RIF1: variants seen among roughly 807,000 people sequenced by gnomAD.
RIF1 encodes the protein telomere-associated protein RIF1.
In RIF1, 45 loss-of-function variants were observed where a neutral mutation model predicts 247.1. The observed-to-expected ratio is 0.18, with a 90% confidence interval of 0.14 to 0.23. The LOEUF is 0.23. Ranked by LOEUF, RIF1 falls within the 10% of genes least tolerant of loss-of-function variation. The probability of loss-of-function intolerance (pLI) is 1.00; values close to 1 mark genes in which losing one functional copy is unlikely to be tolerated. For synonymous variants in RIF1, 1,087 were observed against 978.8 expected, an observed-to-expected ratio of 1.11 and a Z score of -2.06; for missense variants, 2,967 against 2,862.5, an observed-to-expected ratio of 1.04 and a Z score of -0.83.
rs776502122 is a variant in RIF1 at position 151,455,096 on chromosome 2, C to A, written c.2546C>A (p.Ser849Tyr). The change falls in exon 22 of 36, where the codon TCT (serine) becomes TAT (tyrosine). Residue 849 changes from serine to tyrosine, a missense_variant. Coordinates refer to ENST00000444746, the MANE Select transcript of RIF1 (RefSeq NM_018151.5). ...GTACTTGGGCATATTTCTTTGCCTTCTATGATCCGAAAAATATTTGCAACT... is the reference window on the plus strand; with the variant it reads ...GTACTTGGGCATATTTCTTTGCCTTATATGATCCGAAAAATATTTGCAACT... ...SSVLGHISLP[S>Y]MIRKIFATLT... 2 of 1,612,866 alleles carry A rather than the reference C, an allele frequency of 1.2e-6. No individual in the cohort carries two copies. The highest frequency in any genetic ancestry group is 1.7e-6 in the Non-Finnish European group (2 of 1,179,304).
At chr2:151,458,736 G>A (rs879782683) in intron 24 of RIF1, 75 bp from the exon 25 acceptor site, 108 of 644,074 alleles carry the variant, frequency 1.7e-4, no homozygotes, top group Non-Finnish European at 2.0e-4. Flanking sequence ...AAATTAAAGT[G>A]CTGTTGTTAA....
At chr2:151,435,779 T>A (rs529126708) in intron 11 of RIF1, among the ~76,000 whole-genome samples, 199 bp downstream of exon 11, 7 of 151,874 alleles carry the variant, frequency 4.6e-5, no homozygotes, top group South Asian at 2.1e-4. Context: ...TTTTTTTTTT[T>A]AATATTACTG....
At chr2:151,416,747 T>C (rs1687280894) in intron 5 of RIF1, 59 bp downstream of exon 5, 1 of 1,601,206 alleles carries the variant, frequency 6.2e-7, no homozygotes, top group Non-Finnish European at 8.5e-7. Flanking sequence ...GAAAAAACTA[T>C]AATGCCAATA....
intron 8 of RIF1, among the ~76,000 whole-genome samples, chr2:151,427,216 T>A (rs1689252844): frequency 6.6e-6 from 1 of 152,064 alleles, no homozygotes; most frequent in Non-Finnish European, 1.5e-5. Context: ...TTTTCCTTTT[T>A]TTCTTTTTTT....
At chr2:151,414,689 T>G in intron 3 of RIF1, 134 bp from the exon 4 acceptor site, 1 of 609,096 alleles carries the variant, frequency 1.6e-6, no homozygotes, top group South Asian at 2.2e-5. Flanking sequence ...TTTTTATTTT[T>G]ATTTTTTATG....
At position 151,428,820 on chromosome 2, in the gene RIF1, T is replaced by A; in HGVS notation, c.823T>A (p.Leu275Met). Residue 275 changes from leucine (L) to methionine (M), a missense_variant, in exon 9 of 36, where the codon TTG becomes ATG. By Grantham distance (15) the Leu-to-Met change is conservative. This residue lies in a region of RIF1 where 71 missense variants were observed against 132.9 expected (regional missense o/e 0.53). Coordinates refer to ENST00000444746, the MANE Select transcript of RIF1 (RefSeq NM_018151.5). Reference sequence around the variant, plus strand: ...AAGTGGGAGTTTCATCAATTCTCTCTTGCAACTAGAAGAACTTGGATTTCG... The same window carrying A: ...AAGTGGGAGTTTCATCAATTCTCTCATGCAACTAGAAGAACTTGGATTTCG... ...HRSGSFINSL[L>M]QLEELGFRSG... 1 of 1,600,680 alleles carries A rather than the reference T, an allele frequency of 6.2e-7. No individual in the cohort carries two copies. Among genetic ancestry groups the A allele is most frequent in the South Asian group, 1.1e-5 (1 of 90,790 alleles).
chr2:151,451,474 A>C, intron 20 of RIF1, 132 bp from the exon 21 acceptor site: 2 of 619,134 alleles, frequency 3.2e-6, no homozygotes, highest in Non-Finnish European at 5.9e-6. Flanking sequence ...CACTTAATGT[A>C]CTGTAAGCTG....
the RIF1 span, chr2:151,532,139 C>T: frequency 0.037 from 12,702 of 343,720 alleles, 316 homozygotes; most frequent in South Asian, 0.06. Context: ...CTCTGTCACC[C>T]AGGCTGGAGT....
chr2:151,415,451 G>A (rs558284847), intron 4 of RIF1, among the ~76,000 whole-genome samples: 4 of 151,516 alleles, frequency 2.6e-5, no homozygotes, highest in African/African-American at 7.3e-5. Context: ...AAGATTAGCC[G>A]GGCGTGGTGG....
the RIF1 span, among the ~76,000 whole-genome samples, chr2:151,515,756 C>T: frequency 2.0e-5 from 3 of 152,180 alleles, no homozygotes; most frequent in African/African-American, 7.2e-5. Flanking sequence ...AGATCCTTTA[C>T]TCAGATTGAC....
intron 12 of RIF1, among the ~76,000 whole-genome samples, chr2:151,504,117 C>G (rs1272155127): frequency 6.6e-6 from 1 of 152,164 alleles, no homozygotes; most frequent in Non-Finnish European, 1.5e-5. Context: ...CTCTGAGCCT[C>G]CTTAACTCTT....
chr2:151,410,186 G>C (rs1315196602), intron 1 of RIF1, 153 bp downstream of exon 1: 3 of 640,348 alleles, frequency 4.7e-6, no homozygotes, highest in Non-Finnish European at 8.5e-6. Context: ...GGAAAGTGGT[G>C]GCGGGAGCGG....
At chr2:151,471,849 G>A (rs2048560350) in intron 34 of RIF1, among the ~76,000 whole-genome samples, 1 of 152,184 alleles carries the variant, frequency 6.6e-6, no homozygotes, top group Non-Finnish European at 1.5e-5. Context: ...ACTTGGCAAT[G>A]CGGGCTCTTT....
intron 18 of RIF1, 148 bp downstream of exon 18, chr2:151,443,857 T>C: frequency 2.0e-6 from 1 of 493,850 alleles, no homozygotes. Context: ...TTTTGATTGA[T>C]TTTATTGCAT....
intron 8 of RIF1, among the ~76,000 whole-genome samples, chr2:151,426,458 G>A: frequency 6.6e-6 from 1 of 151,944 alleles, no homozygotes; most frequent in East Asian, 1.9e-4. Context: ...ACACGTGTGA[G>A]CCACCACGCC....
In RIF1 at chr2:151,465,020, T is replaced by C; in HGVS notation, c.5500T>C (p.Phe1834Leu). 6.3e-7 allele frequency: 1 copy of C among 1,579,142 alleles called. No homozygotes were observed. The highest frequency in any genetic ancestry group is 8.5e-7 in the Non-Finnish European group (1 of 1,170,510). Residue 1834 changes from phenylalanine to leucine, a missense_variant, in exon 30 of 36, where the codon TTT (phenylalanine) becomes CTT (leucine). Phe to Leu is a conservative substitution (Grantham distance 22, BLOSUM62 0). Coordinates refer to ENST00000444746, the MANE Select transcript of RIF1 (RefSeq NM_018151.5). The part of the protein sequence containing the change: ...QESLPSGIVN[F>L]REEICDMDSS... ...ATCTCTTCCTTCTGGAATAGTAAAC[T>C]TTAGAGAGGAAATTTGTGATATGGA...
At chr2:151,413,461 T>G (rs1022246126) in intron 3 of RIF1, among the ~76,000 whole-genome samples, 1 of 152,138 alleles carries the variant, frequency 6.6e-6, no homozygotes, top group Non-Finnish European at 1.5e-5. Context: ...TCTTTCAGAG[T>G]AGGAACCATA....
chr2:151,490,323 A>G (rs766087028), intron 9 of RIF1: 1 of 1,562,744 alleles, frequency 6.4e-7, no homozygotes, highest in Non-Finnish European at 8.7e-7. Context: ...AGTAACCATC[A>G]ATGAGCTGGC....
At chr2:151,502,133 A>G (rs2153086876) in intron 11 of RIF1, among the ~76,000 whole-genome samples, 1 of 152,334 alleles carries the variant, frequency 6.6e-6, no homozygotes, top group Middle Eastern at 3.4e-3. Flanking sequence ...AAAACCAAAC[A>G]TTGTATGTTC....
Sources: gnomAD v4.1 joint callset for allele counts (sites outside exome capture counted in the v4.1 genomes callset) on GRCh38, gnomAD v4.1.1 for gene constraint, gnomAD v4.1.1 regional missense constraint, MANE v1.5 for transcripts, NCBI Gene and HGNC (gene_info 2026-07-23, HGNC 2026-07-21) for gene names.